ITPR2: variants seen among roughly 807,000 people sequenced by gnomAD.
ITPR2 encodes the protein inositol 1,4,5-trisphosphate receptor type 2.
ITPR2 carries 207 observed loss-of-function variants against 317.1 expected under a neutral mutation model. That is an observed-to-expected ratio of 0.65 (90% CI 0.58 to 0.73). The LOEUF (loss-of-function observed/expected upper bound fraction) is 0.73, where lower values mean the gene tolerates loss of function less well. Ranked by LOEUF, ITPR2 falls within the 30% of genes least tolerant of loss-of-function variation. ITPR2 has a pLI of 0.00. For missense variants in ITPR2, 2,613 were observed against 3,284.0 expected (o/e 0.80, Z 4.99); for synonymous variants, 1,156 against 1,149.1 (o/e 1.01, Z -0.12).
At chr12:26,669,723 C>T (rs1000179075) in intron 13 of ITPR2, among the ~76,000 whole-genome samples, 2 of 152,210 alleles carry the variant, frequency 1.3e-5, no homozygotes, top group Non-Finnish European at 2.9e-5. Flanking sequence ...GCGCACCATG[C>T]GCGAGCCGAA....
At chr12:26,340,046 T>C in intron 56 of ITPR2, 121 bp downstream of exon 56, 1 of 947,088 alleles carries the variant, frequency 1.1e-6, no homozygotes, top group South Asian at 2.1e-5. Flanking sequence ...GTGAGGTTTC[T>C]TTCTCGGAGT....
Position 26,599,126 on chromosome 12 carries a change from A to G in ITPR2, c.4002+19T>C. 1 of 1,610,330 alleles carries G rather than the reference A, an allele frequency of 6.2e-7. No individual in the cohort carries two copies. ...ATACTGTTTAGGTGAAGCTGATAAA[A>G]GGCAAACTGAGAACATACCTCTGTC... On this transcript the variant is annotated intron_variant, in intron 30 of 56. Coordinates refer to ENST00000381340, the MANE Select transcript of ITPR2 (RefSeq NM_002223.4).
At chr12:26,791,760 G>A (rs1427694605) in intron 1 of ITPR2, among the ~76,000 whole-genome samples, 3 of 152,094 alleles carry the variant, frequency 2.0e-5, no homozygotes, top group Non-Finnish European at 2.9e-5. Context: ...CTTCCACAAT[G>A]TCCAACTTCA....
chr12:26,484,314 GC>G (rs1033829079), intron 41 of ITPR2, among the ~76,000 whole-genome samples: 1 of 151,622 alleles, frequency 6.6e-6, no homozygotes, highest in African/African-American at 2.4e-5. Flanking sequence ...AGGGAGAGAA[GC>G]AAATTTTCAA....
At chr12:26,640,407 C>T (rs1946959274) in intron 21 of ITPR2, among the ~76,000 whole-genome samples, 1 of 151,954 alleles carries the variant, frequency 6.6e-6, no homozygotes, top group Non-Finnish European at 1.5e-5. Flanking sequence ...TAGAATGTTA[C>T]AATCTAGTAA....
chr12:26,561,047 G>C (rs759180306), intron 35 of ITPR2, among the ~76,000 whole-genome samples: 20 of 152,138 alleles, frequency 1.3e-4, no homozygotes, highest in Non-Finnish European at 2.5e-4. Context: ...GCTTTCAAAA[G>C]TGTAATTAAG....
chr12:26,600,130 CAT>C (rs756897510), intron 28 of ITPR2, 21 bp from the exon 29 acceptor site: 2 of 1,595,328 alleles, frequency 1.3e-6, no homozygotes, highest in Non-Finnish European at 1.7e-6. Context: ...AAGAATAGCA[CAT>C]GATAGAAACA....
chr12:26,409,070 TA>T (rs1480604593), intron 52 of ITPR2, among the ~76,000 whole-genome samples: 1 of 152,122 alleles, frequency 6.6e-6, no homozygotes, highest in Non-Finnish European at 1.5e-5. Context: ...AGTGATTTTT[TA>T]AAAAGTCATG....
chr12:26,576,569 T>TG (rs1214396509), intron 34 of ITPR2, among the ~76,000 whole-genome samples: 1 of 152,264 alleles, frequency 6.6e-6, no homozygotes, highest in African/African-American at 2.4e-5. Context: ...CTCCAGAATG[T>TG]GGGGACCCAA....
At chr12:26,521,328 T>C (rs1943659080) in intron 37 of ITPR2, among the ~76,000 whole-genome samples, 1 of 152,204 alleles carries the variant, frequency 6.6e-6, no homozygotes. Flanking sequence ...AATTATGTAA[T>C]ATAAAGAGTA....
At chr12:26,485,487 G>A (rs996814687) in intron 41 of ITPR2, among the ~76,000 whole-genome samples, 1 of 152,124 alleles carries the variant, frequency 6.6e-6, no homozygotes, top group African/African-American at 2.4e-5. Context: ...TCTGGCCTTG[G>A]CCTGCCTGTG....
intron 23 of ITPR2, among the ~76,000 whole-genome samples, chr12:26,626,147 T>C (rs942311931): frequency 1.3e-5 from 2 of 152,122 alleles, no homozygotes; most frequent in Non-Finnish European, 2.9e-5. Context: ...TATTTTTTTG[T>C]AGAGACAGGG....
At chr12:26,542,800 A>C (rs1156886201) in intron 37 of ITPR2, among the ~76,000 whole-genome samples, 3 of 152,338 alleles carry the variant, frequency 2.0e-5, no homozygotes, top group Admixed American at 6.5e-5. Flanking sequence ...TCAGTGTAAC[A>C]TTAACAGATA....
At chr12:26,784,414 G>C (rs548709974) in intron 2 of ITPR2, among the ~76,000 whole-genome samples, 1 of 148,670 alleles carries the variant, frequency 6.7e-6, no homozygotes, top group African/African-American at 2.5e-5. Context: ...AAGGCTGGAC[G>C]GTGCTGCTGC....
At position 26,628,134 on chromosome 12, in the gene ITPR2, C is replaced by T. The variant is rs192872930; in HGVS notation, c.2963G>A (p.Arg988Lys). Residue 988 changes from arginine (R) to lysine (K), a missense_variant, in exon 23 of 57, where the codon AGG becomes AAG. Transcript: ENST00000381340. ...QFILSVRLDY[R>K]ISYMLSIYKK... ...ATATATTGACAGCATATATGAGATCCTATAATCCAGTCTGACACTCAGGAT... is the reference window on the plus strand; with the variant it reads ...ATATATTGACAGCATATATGAGATCTTATAATCCAGTCTGACACTCAGGAT... 3 of 1,605,846 alleles carry T rather than the reference C, an allele frequency of 1.9e-6. No individual in the cohort carries two copies. The East Asian group carries it at 6.7e-5, about 36-fold the overall frequency.
chr12:26,582,404 T>G (rs886895736), intron 32 of ITPR2, among the ~76,000 whole-genome samples: 7 of 152,248 alleles, frequency 4.6e-5, no homozygotes, highest in Admixed American at 1.3e-4. Flanking sequence ...TTAATCCATT[T>G]GCACATATTA....
chr12:26,655,483 A>G (rs557417386), intron 20 of ITPR2, among the ~76,000 whole-genome samples: 144 of 151,916 alleles, frequency 9.5e-4, no homozygotes, highest in African/African-American at 3.2e-3. Context: ...GCGTGGTGGC[A>G]GGCGCCTGTA....
intron 26 of ITPR2, among the ~76,000 whole-genome samples, chr12:26,613,525 T>G (rs1046469482): frequency 2.0e-5 from 3 of 151,740 alleles, no homozygotes; most frequent in African/African-American, 7.3e-5. Flanking sequence ...AGTCCATACC[T>G]AATAAGCTGG....
chr12:26,632,932 C>T (rs1177298826), intron 21 of ITPR2, among the ~76,000 whole-genome samples: 2 of 152,152 alleles, frequency 1.3e-5, no homozygotes, highest in Non-Finnish European at 1.5e-5. Flanking sequence ...CTGCTTCTCA[C>T]TTCTAAGTTC....
Sources: allele counts gnomAD v4.1 joint callset (sites outside exome capture counted in the v4.1 genomes callset), GRCh38; gene constraint gnomAD v4.1.1; transcripts MANE v1.5; gene names NCBI Gene and HGNC (gene_info 2026-07-23, HGNC 2026-07-21).